Variants in CAB39 observed in about 807,000 individuals in gnomAD.
CAB39 encodes calcium-binding protein 39.
CAB39 carries 8 observed loss-of-function variants against 40.0 expected under a neutral mutation model. The observed-to-expected ratio is 0.20, with a 90% CI of 0.12 to 0.36. CAB39 has a LOEUF of 0.36. Ranked by LOEUF, CAB39 falls within the 10% of genes least tolerant of loss-of-function variation. The probability of loss-of-function intolerance (pLI) is 1.00; values close to 1 mark genes in which losing one functional copy is unlikely to be tolerated. For missense variants in CAB39, 270 were observed against 401.1 expected (o/e 0.67, Z 2.79); for synonymous variants, 156 against 141.6 (o/e 1.10, Z -0.72).
chr2:230,807,525 G>T (rs899424105), intron 5 of CAB39, among the ~76,000 whole-genome samples: 1 of 147,514 alleles, frequency 6.8e-6, no homozygotes. Flanking sequence ...CCTTTCAATC[G>T]CTCTTACCCC....
intron 1 of CAB39, among the ~76,000 whole-genome samples, chr2:230,748,874 A>G (rs1340153662): frequency 7.6e-6 from 1 of 131,150 alleles, no homozygotes; most frequent in African/African-American, 2.7e-5. Context: ...ATATAACAAA[A>G]TGGTAATTTT....
intron 5 of CAB39, among the ~76,000 whole-genome samples, chr2:230,802,664 T>G (rs778509136): frequency 1.3e-5 from 2 of 151,994 alleles, no homozygotes; most frequent in Non-Finnish European, 1.5e-5. Flanking sequence ...CTAGAAGAAA[T>G]GGATAAATTC....
At position 230,750,193 on chromosome 2, in the gene CAB39, C is replaced by T. The variant is rs1311335993; in HGVS notation, c.-43-9766C>T. On this transcript the variant is annotated intron_variant, in intron 1 of 8. Coordinates refer to ENST00000258418, the MANE Select transcript of CAB39 (RefSeq NM_016289.4). ...ATCAAAACTTATGCTGAGGCTTGGC[C>T]CCTAATGTGGCAGTGTTGGGAGGAG... Among the ~76,000 whole-genome samples, 3 of 152,114 alleles carry T rather than the reference C, an allele frequency of 2.0e-5. No individual in the cohort carries two copies. The East Asian group carries it at 5.8e-4, about 29-fold the overall frequency.
At chr2:230,720,127 C>T (rs893639639) in intron 1 of CAB39, among the ~76,000 whole-genome samples, 2 of 152,146 alleles carry the variant, frequency 1.3e-5, no homozygotes, top group Admixed American at 6.5e-5. Context: ...ACATCAGTTT[C>T]GTTGTCACAA....
intron 1 of CAB39, among the ~76,000 whole-genome samples, chr2:230,728,562 A>T (rs1010703633): frequency 6.6e-6 from 1 of 152,118 alleles, no homozygotes; most frequent in African/African-American, 2.4e-5. Flanking sequence ...TCAGCTTCCC[A>T]AAGTGCTGGG....
At chr2:230,732,921 T>G (rs1459759926) in intron 1 of CAB39, among the ~76,000 whole-genome samples, 1 of 152,210 alleles carries the variant, frequency 6.6e-6, no homozygotes, top group Non-Finnish European at 1.5e-5. Flanking sequence ...TTTGAAGTAT[T>G]AAATACTGCC....
intron 4 of CAB39, among the ~76,000 whole-genome samples, chr2:230,794,596 A>G (rs1394113343): frequency 6.6e-6 from 1 of 152,218 alleles, no homozygotes; most frequent in Non-Finnish European, 1.5e-5. Context: ...GATACAATTT[A>G]CAGTTTAGAG....
intron 5 of CAB39, among the ~76,000 whole-genome samples, chr2:230,802,030 T>C (rs1480662712): frequency 2.6e-5 from 4 of 152,108 alleles, no homozygotes; most frequent in Non-Finnish European, 5.9e-5. Flanking sequence ...TTTCCAATGT[T>C]CTAGAATAAA....
At chr2:230,723,060 C>G (rs1694484761) in intron 1 of CAB39, among the ~76,000 whole-genome samples, 1 of 152,016 alleles carries the variant, frequency 6.6e-6, no homozygotes, top group South Asian at 2.1e-4. Context: ...TTTTAAAAAT[C>G]TTTATAAGCA....
intron 1 of CAB39, among the ~76,000 whole-genome samples, chr2:230,720,712 G>T (rs114509688): frequency 9.0e-4 from 137 of 152,266 alleles, no homozygotes; most frequent in African/African-American, 3.2e-3. Flanking sequence ...GAGCCACCGC[G>T]CCAGGCTTAA....
intron 1 of CAB39, among the ~76,000 whole-genome samples, chr2:230,750,959 T>C (rs1409966894): frequency 2.6e-5 from 4 of 152,252 alleles, no homozygotes; most frequent in African/African-American, 7.2e-5. Context: ...TATTGTGCTT[T>C]AAATAATTGT....
At chr2:230,738,940 C>A (rs1391535101) in intron 1 of CAB39, among the ~76,000 whole-genome samples, 1 of 152,244 alleles carries the variant, frequency 6.6e-6, no homozygotes, top group East Asian at 1.9e-4. Flanking sequence ...TCACCACTCT[C>A]AGGTATGACT....
At chr2:230,762,672 C>CT (rs1695315863) in intron 2 of CAB39, among the ~76,000 whole-genome samples, 1 of 152,190 alleles carries the variant, frequency 6.6e-6, no homozygotes, top group Non-Finnish European at 1.5e-5. Context: ...AATGGTTCAT[C>CT]TTTTGTCTGT....
chr2:230,813,106 AG>A (rs1250698190), intron 6 of CAB39, among the ~76,000 whole-genome samples: 1 of 152,230 alleles, frequency 6.6e-6, no homozygotes, highest in Non-Finnish European at 1.5e-5. Context: ...AAGATCCAAC[AG>A]TCATACTAGT....
chr2:230,791,392 C>A (rs1284635189), intron 3 of CAB39, among the ~76,000 whole-genome samples: 1 of 152,184 alleles, frequency 6.6e-6, no homozygotes, highest in Non-Finnish European at 1.5e-5. Context: ...AATCTAAAGA[C>A]AGCTATAGAA....
chr2:230,776,657 C>T (rs1695592056), intron 2 of CAB39, among the ~76,000 whole-genome samples: 1 of 151,960 alleles, frequency 6.6e-6, no homozygotes. Context: ...ACAAGTAGGT[C>T]ATGGTTCCAG....
chr2:230,811,079 C>CA (rs1696295414), intron 6 of CAB39, among the ~76,000 whole-genome samples: 2 of 152,340 alleles, frequency 1.3e-5, no homozygotes, highest in Admixed American at 6.5e-5. Context: ...TTTAACTACA[C>CA]ATCGTCGAAG....
intron 1 of CAB39, among the ~76,000 whole-genome samples, chr2:230,751,231 C>T (rs115128216): frequency 0.017 from 2,572 of 152,280 alleles, 71 homozygotes; most frequent in African/African-American, 0.052. Context: ...GTTCGTGAGT[C>T]AGATCTAACA....
chr2:230,804,143 T>C (rs1696145248), intron 5 of CAB39, among the ~76,000 whole-genome samples: 1 of 152,046 alleles, frequency 6.6e-6, no homozygotes, highest in South Asian at 2.1e-4. Flanking sequence ...AAACAAGAAA[T>C]GGGGGAAAGG....
Sources: allele counts gnomAD v4.1 joint callset (sites outside exome capture counted in the v4.1 genomes callset), GRCh38; gene constraint gnomAD v4.1.1; transcripts MANE v1.5; gene names NCBI Gene and HGNC (gene_info 2026-07-23, HGNC 2026-07-21).